The following AGBL4 variants were observed in gnomAD, a reference collection of about 807,000 sequenced individuals.
The protein encoded by AGBL4 is AGBL carboxypeptidase 4.
A neutral mutation model predicts 66.4 loss-of-function variants in AGBL4; 58 were observed. The ratio of observed to expected loss-of-function variants is 0.87; its 90% CI spans 0.71 to 1.09. The LOEUF (loss-of-function observed/expected upper bound fraction) is 1.09. AGBL4 is among the 50% of genes least tolerant of loss of function. The pLI is 0.00. For synonymous variants in AGBL4, 234 were observed against 222.9 expected (o/e 1.05, Z -0.44); for missense variants, 579 against 631.0 (o/e 0.92, Z 0.88).
At chr1:49,281,344 G>T (rs1644268316) in intron 3 of AGBL4, among the ~76,000 whole-genome samples, 2 of 152,202 alleles carry the variant, frequency 1.3e-5, no homozygotes, top group South Asian at 4.1e-4. Context: ...ACTCGAGAGA[G>T]CAAGAAAGAA....
Position 49,184,600 on chromosome 1 carries a change from A to T in AGBL4, c.377+61170T>A, listed in dbSNP as rs182241340. Among the ~76,000 whole-genome samples, 39 of 152,328 alleles carry T rather than the reference A, an allele frequency of 2.6e-4. No individual in the cohort carries two copies. In the East Asian group the frequency reaches 7.0e-3, roughly 27 times the overall value. The stretch of plus-strand genomic sequence containing the variant: ...AACCCCGATACTAATTAGGGCAAAG[A>T]TGTCTCTCCCTAGACAAAGTCAGGT... On this transcript the variant is annotated intron_variant, in intron 4 of 13. Coordinates refer to ENST00000371839, the MANE Select transcript of AGBL4 (RefSeq NM_032785.4).
At chr1:49,327,767 A>C (rs982108661) in intron 3 of AGBL4, among the ~76,000 whole-genome samples, 1 of 152,362 alleles carries the variant, frequency 6.6e-6, no homozygotes, top group African/African-American at 2.4e-5. Flanking sequence ...TTAAATTTCA[A>C]CATGAATTTT....
At chr1:49,014,405 C>T (rs904815678) in intron 5 of AGBL4, among the ~76,000 whole-genome samples, 1 of 152,212 alleles carries the variant, frequency 6.6e-6, no homozygotes, top group Non-Finnish European at 1.5e-5. Context: ...CCAATTCTAG[C>T]TCTGCCACTG....
At chr1:49,174,474 T>C (rs940984644) in intron 4 of AGBL4, among the ~76,000 whole-genome samples, 1 of 152,200 alleles carries the variant, frequency 6.6e-6, no homozygotes, top group Non-Finnish European at 1.5e-5. Context: ...TCCTTTTCCA[T>C]AATTTCATGT....
intron 4 of AGBL4, among the ~76,000 whole-genome samples, chr1:49,116,335 C>T (rs961151201): frequency 3.9e-5 from 6 of 152,162 alleles, no homozygotes; most frequent in African/African-American, 1.4e-4. Flanking sequence ...TCGTCATTTA[C>T]ATTACATATT....
intron 1 of AGBL4, among the ~76,000 whole-genome samples, chr1:49,896,042 A>G (rs944683019): frequency 7.9e-5 from 12 of 152,004 alleles, no homozygotes; most frequent in African/African-American, 1.7e-4. Context: ...ATGCAAAAAG[A>G]CATTCTATGC....
intron 5 of AGBL4, among the ~76,000 whole-genome samples, chr1:48,940,268 C>T (rs1251390653): frequency 6.6e-6 from 1 of 152,140 alleles, no homozygotes; most frequent in Non-Finnish European, 1.5e-5. Context: ...ATCCCAGCTA[C>T]TCAGGAGGCT....
intron 5 of AGBL4, among the ~76,000 whole-genome samples, chr1:49,034,775 T>C (rs1421830489): frequency 6.6e-6 from 1 of 152,136 alleles, no homozygotes; most frequent in African/African-American, 2.4e-5. Flanking sequence ...CCTTCTACCA[T>C]GACTGTAAGT....
chr1:49,084,141 T>A (rs1644856003), intron 4 of AGBL4, among the ~76,000 whole-genome samples: 1 of 28,862 alleles, frequency 3.5e-5, no homozygotes, highest in Non-Finnish European at 8.0e-5. Flanking sequence ...CACATCTTCC[T>A]GTCTTCCGAG....
In AGBL4 at chr1:50,006,725, TAA is replaced by T. The variant is rs58931892; in HGVS notation, c.34+17036_34+17037del. ...TTTACCCTAGAATAGAGTATCCAGC[TAA>T]AATATCCTTAAAACATGAAGGAGAA... On this transcript the variant is annotated intron_variant, in intron 1 of 13. Coordinates refer to ENST00000371839, the MANE Select transcript of AGBL4 (RefSeq NM_032785.4). Among the ~76,000 whole-genome samples the T allele has an allele frequency of 4.4e-4, 67 of 150,742 alleles. No individual in the cohort carries two copies. In the East Asian group the frequency reaches 7.2e-3, roughly 16 times the overall value.
chr1:49,931,763 G>C (rs1192055885), intron 1 of AGBL4, among the ~76,000 whole-genome samples: 2 of 152,084 alleles, frequency 1.3e-5, no homozygotes, highest in Admixed American at 6.5e-5. Flanking sequence ...TTCACAAGCT[G>C]ATTCTACAAT....
At chr1:49,258,670 C>G (rs1652788888) in intron 3 of AGBL4, among the ~76,000 whole-genome samples, 1 of 152,208 alleles carries the variant, frequency 6.6e-6, no homozygotes, top group Non-Finnish European at 1.5e-5. Context: ...AATACCAAAT[C>G]TGTGTCTGAT....
At chr1:49,548,423 G>T (rs2148833733) in intron 3 of AGBL4, among the ~76,000 whole-genome samples, 1 of 152,252 alleles carries the variant, frequency 6.6e-6, no homozygotes, top group African/African-American at 2.4e-5. Flanking sequence ...TGTCATAGAT[G>T]ACTTTTATTA....
chr1:48,801,548 T>G (rs1645807730), intron 6 of AGBL4, among the ~76,000 whole-genome samples: 2 of 152,168 alleles, frequency 1.3e-5, no homozygotes, highest in African/African-American at 4.8e-5. Context: ...CCATAGTTTT[T>G]TCTACTTTAA....
intron 3 of AGBL4, among the ~76,000 whole-genome samples, chr1:49,615,508 G>T (rs1645233435): frequency 2.0e-5 from 3 of 152,080 alleles, no homozygotes; most frequent in African/African-American, 7.2e-5. Context: ...AATATGAAGA[G>T]ATGAGACAGC....
At chr1:48,842,558 T>C (rs1570802704) in intron 6 of AGBL4, among the ~76,000 whole-genome samples, 1 of 152,250 alleles carries the variant, frequency 6.6e-6, no homozygotes, top group East Asian at 1.9e-4. Flanking sequence ...GAAAATGGGA[T>C]CATATTCCCT....
chr1:48,954,900 G>A (rs539060991), intron 5 of AGBL4, among the ~76,000 whole-genome samples: 1 of 152,178 alleles, frequency 6.6e-6, no homozygotes, highest in Non-Finnish European at 1.5e-5. Context: ...AGAGATCAGT[G>A]AGAATTATAT....
chr1:48,588,798 C>CAGAGAAGAGAAGAGA (rs547681818), intron 10 of AGBL4, among the ~76,000 whole-genome samples: 3,947 of 113,098 alleles, frequency 0.035, 122 homozygotes, highest in Middle Eastern at 0.074. Flanking sequence ...CATTGAGGAT[C>CAGAGAAGAGAAGAGA]AGAGAAGAGA....
intron 3 of AGBL4, among the ~76,000 whole-genome samples, chr1:49,283,297 C>T (rs1402503233): frequency 1.3e-5 from 2 of 152,084 alleles, no homozygotes; most frequent in Non-Finnish European, 2.9e-5. Flanking sequence ...CCAACAGACT[C>T]GCAGCTGAGG....
Sources: allele counts gnomAD v4.1 joint callset (sites outside exome capture counted in the v4.1 genomes callset), GRCh38; gene constraint gnomAD v4.1.1; transcripts MANE v1.5; gene names NCBI Gene and HGNC (gene_info 2026-07-23, HGNC 2026-07-21).